The following BAIAP2 variants were observed in gnomAD, a reference collection of about 807,000 sequenced individuals.
The protein encoded by BAIAP2 is BAR/IMD domain containing adaptor protein 2.
BAIAP2 carries 18 observed loss-of-function variants against 63.0 expected under a neutral mutation model. The ratio of observed to expected loss-of-function variants is 0.29; its 90% CI spans 0.20 to 0.42. The LOEUF (loss-of-function observed/expected upper bound fraction) is 0.42. Among genes scored for constraint, BAIAP2 ranks in the 10% least tolerant of loss-of-function variants. The pLI, the probability that BAIAP2 is intolerant of heterozygous loss-of-function variation, is 1.00. For missense variants in BAIAP2, 610 were observed against 734.3 expected, an observed-to-expected ratio of 0.83 and a Z score of 1.96; for synonymous variants, 386 against 307.6, an observed-to-expected ratio of 1.25 and a Z score of -2.67.
rs2060577232 is a variant in BAIAP2, at chr17:81,117,404, A to T, written c.*1565A>T. 1 of 152,322 alleles carries T rather than the reference A, an allele frequency of 6.6e-6. No homozygotes were observed. The highest frequency in any genetic ancestry group is 1.5e-5 in the Non-Finnish European group (1 of 68,058). The allele number at this position is 152,322 out of a possible 1,614,324, so 9.4% of individuals were successfully genotyped here. A position where few individuals can be genotyped will look rare whatever the true frequency, so the allele number is the denominator to read the frequency against. On this transcript the variant is annotated 3_prime_UTR_variant, in exon 14 of 14. Transcript: ENST00000428708. ...AAAACAAATCCCCCTGCGAAGCAAC[A>T]ATAAACTTTACATCTCTTTGGCAAC...
intron 3 of BAIAP2, among the ~76,000 whole-genome samples, chr17:81,068,970 C>T (rs75856682): frequency 0.05 from 7,663 of 152,232 alleles, 358 homozygotes; most frequent in East Asian, 0.23. Context: ...ACACATTTGA[C>T]GACTTGTCTG....
intron 10 of BAIAP2, chr17:81,105,334 G>C (rs1461084429): frequency 6.5e-6 from 1 of 154,290 alleles, no homozygotes; most frequent in Non-Finnish European, 1.4e-5. Flanking sequence ...TACACACTCA[G>C]CACGTCCAGC....
At chr17:81,056,749 G>A (rs1378735613) in intron 2 of BAIAP2, among the ~76,000 whole-genome samples, 2 of 152,218 alleles carry the variant, frequency 1.3e-5, no homozygotes, top group African/African-American at 2.4e-5. Flanking sequence ...CGGCCGTCCA[G>A]GCAGCACCGC....
In BAIAP2 at chr17:81,106,797, C is replaced by A. The variant is rs143678625; in HGVS notation, c.1390C>A (p.Leu464Met). Residue 464 changes from leucine to methionine, a missense_variant, in exon 12 of 14, where the codon CTG becomes ATG. This residue lies in a region of BAIAP2 where 11 missense variants were observed against 25.2 expected (regional missense o/e 0.44). Transcript: ENST00000428708. ...GGGCAACCTCCTGGACAAGGACGAC[C>A]TGGCCATCCCACCCCCCGATTACGG... ...STGNLLDKDD[L>M]AIPPPDYGAA... The A allele has an allele frequency of 3.6e-5, 58 of 1,612,422 alleles. No homozygotes were observed. In the African/African-American group the frequency reaches 4.1e-4, roughly 12 times the overall value.
At chr17:81,098,000 C>T (rs1005151807) in intron 6 of BAIAP2, 3 of 828,298 alleles carry the variant, frequency 3.6e-6, no homozygotes, top group Non-Finnish European at 4.8e-6. Flanking sequence ...TCGGGAACCC[C>T]GGGTGCCGGG....
At chr17:81,114,833 T>G (rs2060335831) in intron 13 of BAIAP2, among the ~76,000 whole-genome samples, 1 of 152,208 alleles carries the variant, frequency 6.6e-6, no homozygotes, top group Non-Finnish European at 1.5e-5. Context: ...TCCCCAGGGT[T>G]GTTCCCGGCT....
intron 3 of BAIAP2, among the ~76,000 whole-genome samples, chr17:81,058,680 C>T (rs2050037383): frequency 6.6e-6 from 1 of 152,228 alleles, no homozygotes; most frequent in Admixed American, 6.5e-5. Context: ...CACAAGGAAG[C>T]CTGAGTCGCT....
At chr17:81,057,185 C>G (rs1001017489) in intron 2 of BAIAP2, among the ~76,000 whole-genome samples, 1 of 152,238 alleles carries the variant, frequency 6.6e-6, no homozygotes, top group African/African-American at 2.4e-5. Flanking sequence ...GGCTCCCTGT[C>G]AGGTGGAGGA....
intron 6 of BAIAP2, among the ~76,000 whole-genome samples, chr17:81,089,189 T>C (rs144925601): frequency 1.6e-4 from 25 of 152,372 alleles, no homozygotes; most frequent in African/African-American, 5.0e-4. Context: ...GTCTGTCTGT[T>C]TGCTGCATGT....
chr17:81,079,781 T>C (rs2054287571), intron 3 of BAIAP2, among the ~76,000 whole-genome samples: 2 of 152,144 alleles, frequency 1.3e-5, no homozygotes. Context: ...TTGAACCTCG[T>C]CTTTAGAGTT....
chr17:81,100,868 A>T (rs1280369664), intron 7 of BAIAP2, among the ~76,000 whole-genome samples: 1 of 151,896 alleles, frequency 6.6e-6, no homozygotes, highest in Non-Finnish European at 1.5e-5. Context: ...GCTCTTGGTG[A>T]CCTGTGCCTC....
chr17:81,086,640 G>C, intron 6 of BAIAP2, 60 bp downstream of exon 6: 1 of 1,595,486 alleles, frequency 6.3e-7, no homozygotes, highest in Non-Finnish European at 8.6e-7. Context: ...CTCACCCCTC[G>C]GCCCCCCTCG....
chr17:81,108,729 C>A, intron 13 of BAIAP2: 1 of 854,862 alleles, frequency 1.2e-6, no homozygotes, highest in Non-Finnish European at 1.8e-6. Flanking sequence ...TCGCATCTGG[C>A]CGGCCCCATC....
chr17:81,070,346 A>G (rs1357250675), intron 3 of BAIAP2, among the ~76,000 whole-genome samples: 1 of 152,174 alleles, frequency 6.6e-6, no homozygotes, highest in Non-Finnish European at 1.5e-5. Flanking sequence ...CTCCACACTG[A>G]GCGGACGTCC....
chr17:81,109,884 G>A (rs1018488884), intron 13 of BAIAP2: 35 of 985,198 alleles, frequency 3.6e-5, no homozygotes, highest in Non-Finnish European at 1.2e-5. Flanking sequence ...GCTCTGGGCA[G>A]GGTGTGCGGG....
chr17:81,073,624 C>G (rs150737607), intron 3 of BAIAP2, among the ~76,000 whole-genome samples: 22 of 152,316 alleles, frequency 1.4e-4, no homozygotes, highest in African/African-American at 5.3e-4. Flanking sequence ...GCCTCCAACC[C>G]TGGGCTGAGA....
rs982803297 is a variant in BAIAP2, at chr17:81,116,057, G to A, written c.*218G>A. 1 of 1,461,896 alleles carries A rather than the reference G, an allele frequency of 6.8e-7. No individual in the cohort carries two copies. Among genetic ancestry groups the A allele is most frequent in the African/African-American group, 1.4e-5 (1 of 70,910 alleles). 90.6% of individuals were successfully genotyped at this position (1,461,896 alleles called of 1,614,324 possible). A position where few individuals can be genotyped will look rare whatever the true frequency, so the allele number is the denominator to read the frequency against. On this transcript the variant is annotated 3_prime_UTR_variant, in exon 14 of 14. Coordinates refer to ENST00000428708, the MANE Select transcript of BAIAP2 (RefSeq NM_001144888.2). Reference sequence around the variant, plus strand: ...CTGAAGGGCGAGACCCAGTGGCTGGGCTGCCCAGGGCTGAGGGGCCGCCTC... The same window carrying A: ...CTGAAGGGCGAGACCCAGTGGCTGGACTGCCCAGGGCTGAGGGGCCGCCTC...
At chr17:81,057,784 G>T in intron 2 of BAIAP2, 97 bp from the exon 3 acceptor site, 1 of 1,491,468 alleles carries the variant, frequency 6.7e-7, no homozygotes, top group African/African-American at 1.4e-5. Flanking sequence ...GCAGGAGACA[G>T]GGTTGGGCCT....
rs1055576994 is a variant in BAIAP2, at chr17:81,109,776, G to A, written c.1535+1267G>A. On this transcript the variant is annotated intron_variant, in intron 13 of 13. Transcript: ENST00000428708. ...GGGGGCAGGCGCTGCCCAGCTGGCC[G>A]CACACGGACATTCCAAAGACCTCCA... The A allele has an allele frequency of 1.7e-5, 17 of 985,328 alleles. No individual in the cohort carries two copies. The East Asian group carries it at 9.1e-4, about 53-fold the overall frequency. The allele number at this position is 985,328 out of a possible 1,614,324, so 61.0% of individuals were successfully genotyped here. A position where few individuals can be genotyped will look rare whatever the true frequency, so the allele number is the denominator to read the frequency against.
Sources: gnomAD v4.1 joint callset for allele counts (sites outside exome capture counted in the v4.1 genomes callset) on GRCh38, gnomAD v4.1.1 for gene constraint, gnomAD v4.1.1 regional missense constraint, MANE v1.5 for transcripts, NCBI Gene and HGNC (gene_info 2026-07-23, HGNC 2026-07-21) for gene names.